The following CFAP54 variants were observed in gnomAD, a reference collection of about 807,000 sequenced individuals.
The protein encoded by CFAP54 is cilia- and flagella-associated protein 54.
CFAP54 carries 290 observed loss-of-function variants against 370.4 expected under a neutral mutation model. The ratio of observed to expected loss-of-function variants is 0.78; its 90% CI spans 0.71 to 0.86. The LOEUF (loss-of-function observed/expected upper bound fraction) is 0.86. Ranked by LOEUF, CFAP54 falls within the 40% of genes least tolerant of loss-of-function variation. The pLI is 0.00. For missense variants in CFAP54, 3,399 were observed against 3,528.7 expected, an observed-to-expected ratio of 0.96 and a Z score of 0.93; for synonymous variants, 1,206 against 1,236.5, an observed-to-expected ratio of 0.98 and a Z score of 0.52.
At chr12:96,509,781 A>C (rs975447854) in intron 4 of CFAP54, among the ~76,000 whole-genome samples, 36 of 149,602 alleles carry the variant, frequency 2.4e-4, no homozygotes, top group African/African-American at 8.9e-4. Context: ...ATGCCACTGC[A>C]CTCCAGCTTG....
In CFAP54 at chr12:96,726,941, G is replaced by A. The variant is rs12580289; in HGVS notation, c.6965+6376G>A. Among the ~76,000 whole-genome samples the A allele has an allele frequency of 9.4e-3, 1,430 of 152,284 alleles. 54 individuals are homozygous for A. The East Asian group carries it at 0.098, about 10-fold the overall frequency. ...CCTTCATTTCGTTATGTACCCAGTA[G>A]TCATTCAGGAGCACGTTGTTCAGTT... On this transcript the variant is annotated intron_variant, in intron 50 of 67. Transcript: ENST00000524981.
intron 26 of CFAP54, among the ~76,000 whole-genome samples, chr12:96,618,816 C>G (rs1223071752): frequency 6.6e-6 from 1 of 152,124 alleles, no homozygotes; most frequent in Non-Finnish European, 1.5e-5. Flanking sequence ...GGCCAGGACC[C>G]CCACCCCCTT....
At chr12:96,516,059 G>T (rs1955230264) in intron 5 of CFAP54, among the ~76,000 whole-genome samples, 1 of 151,842 alleles carries the variant, frequency 6.6e-6, no homozygotes. Flanking sequence ...GGGACTACAG[G>T]CACCCGCCCC....
chr12:96,747,591 GA>G (rs935773425), intron 55 of CFAP54, among the ~76,000 whole-genome samples: 1 of 152,148 alleles, frequency 6.6e-6, no homozygotes, highest in East Asian at 1.9e-4. Context: ...CAGTGCTGTG[GA>G]AAAAAAGACT....
chr12:96,852,947 T>C (rs1221207713), intron 66 of CFAP54, among the ~76,000 whole-genome samples: 1 of 152,124 alleles, frequency 6.6e-6, no homozygotes, highest in East Asian at 1.9e-4. Flanking sequence ...GAACAGCCAC[T>C]GTTTTAAACA....
At chr12:96,608,016 T>C (rs954127627) in intron 26 of CFAP54, among the ~76,000 whole-genome samples, 2 of 152,138 alleles carry the variant, frequency 1.3e-5, no homozygotes, top group African/African-American at 4.8e-5. Flanking sequence ...CAAATGACAA[T>C]TGATTCAGAA....
At chr12:96,771,456 TC>T (rs1958459932) in intron 60 of CFAP54, among the ~76,000 whole-genome samples, 1 of 152,112 alleles carries the variant, frequency 6.6e-6, no homozygotes, top group East Asian at 1.9e-4. Context: ...ATGGAGACCA[TC>T]CTGGCTAACA....
intron 17 of CFAP54, among the ~76,000 whole-genome samples, chr12:96,555,813 T>C (rs544347315): frequency 6.6e-6 from 1 of 152,000 alleles, no homozygotes; most frequent in Admixed American, 6.6e-5. Context: ...ATTATTCTGA[T>C]TTCAGTTTTA....
chr12:96,621,870 GGTTTGTTTTTT>G (rs1956495065), intron 27 of CFAP54, 149 bp downstream of exon 27: 1 of 99,992 alleles, frequency 1.0e-5, no homozygotes, highest in East Asian at 6.3e-4. Flanking sequence ...AGAGCTTTTG[GGTTTGTTTTTT>G]TTTTTTTTTT....
intron 66 of CFAP54, among the ~76,000 whole-genome samples, chr12:96,860,333 G>A (rs17025979): frequency 0.011 from 1,732 of 152,058 alleles, 80 homozygotes; most frequent in East Asian, 0.11. Context: ...CACAAAAGCC[G>A]TCTTTATTTT....
Position 96,538,483 on chromosome 12 carries a change from T to C in CFAP54, c.1891T>C (p.Tyr631His), listed in dbSNP as rs1275615569. ...GCGGCTCAATATATCCAGAAATGAC[T>C]ATGCAAAATTCACCCAGAAAATCAG... is the stretch of plus-strand genomic sequence containing the variant. The part of the protein sequence containing the change: ...IQRLNISRND[Y>H]AKFTQKISTN... The change falls in exon 13 of 68, where the codon TAT becomes CAT. Residue 631 changes from tyrosine to histidine, a missense_variant. Coordinates refer to ENST00000524981, the MANE Select transcript of CFAP54 (RefSeq NM_001306084.2). The C allele has an allele frequency of 3.3e-6, 5 of 1,536,252 alleles. No individual in the cohort carries two copies. The highest frequency in any genetic ancestry group is 4.4e-6 in the Non-Finnish European group (5 of 1,146,862).
intron 26 of CFAP54, among the ~76,000 whole-genome samples, chr12:96,617,003 T>C (rs1956426259): frequency 6.6e-6 from 1 of 152,090 alleles, no homozygotes; most frequent in Non-Finnish European, 1.5e-5. Context: ...ATGGAAAGGA[T>C]TCATGAGTTA....
intron 3 of CFAP54, among the ~76,000 whole-genome samples, chr12:96,504,358 T>C (rs1955066958): frequency 6.6e-6 from 1 of 152,188 alleles, no homozygotes; most frequent in Non-Finnish European, 1.5e-5. Context: ...ATTATCCCTA[T>C]TTTACAGAAG....
chr12:96,741,152 G>A (rs1012557349), intron 51 of CFAP54, among the ~76,000 whole-genome samples: 3 of 151,910 alleles, frequency 2.0e-5, no homozygotes, highest in Non-Finnish European at 4.4e-5. Flanking sequence ...GGCCTCTGTC[G>A]ACTGCTTACT....
At chr12:96,499,577 T>C (rs1955000885) in intron 1 of CFAP54, among the ~76,000 whole-genome samples, 2 of 152,192 alleles carry the variant, frequency 1.3e-5, no homozygotes, top group Admixed American at 6.5e-5. Context: ...ATTAAACATA[T>C]TCTTACCATA....
chr12:96,571,433 C>T (rs191405255), intron 19 of CFAP54, among the ~76,000 whole-genome samples: 1 of 152,194 alleles, frequency 6.6e-6, no homozygotes, highest in East Asian at 1.9e-4. Context: ...GGCTGAGTCC[C>T]CGTGATAGGT....
chr12:96,494,790 A>G (rs1954929850), intron 1 of CFAP54, among the ~76,000 whole-genome samples: 1 of 151,648 alleles, frequency 6.6e-6, no homozygotes, highest in Non-Finnish European at 1.5e-5. Context: ...GCAATGACGC[A>G]ATCTCGGCTC....
At chr12:96,610,239 AG>A (rs958612325) in intron 26 of CFAP54, among the ~76,000 whole-genome samples, 19 of 152,374 alleles carry the variant, frequency 1.2e-4, no homozygotes, top group African/African-American at 4.6e-4. Flanking sequence ...ATTTAATGAA[AG>A]GTGCTGGTAT....
At chr12:96,733,270 T>C (rs760092248) in intron 50 of CFAP54, among the ~76,000 whole-genome samples, 3 of 152,134 alleles carry the variant, frequency 2.0e-5, no homozygotes, top group Non-Finnish European at 4.4e-5. Context: ...TTACCCCCTG[T>C]GAGCTTCTGT....
Sources: gnomAD v4.1 joint callset for allele counts (sites outside exome capture counted in the v4.1 genomes callset) on GRCh38, gnomAD v4.1.1 for gene constraint, MANE v1.5 for transcripts, NCBI Gene and HGNC (gene_info 2026-07-23, HGNC 2026-07-21) for gene names.